DNAH6: variants seen among roughly 807,000 people sequenced by gnomAD.
DNAH6 encodes dynein axonemal heavy chain 6.
In DNAH6, 340 loss-of-function variants were observed where a neutral mutation model predicts 491.4. That is an observed-to-expected ratio of 0.69 (90% CI 0.63 to 0.76). The LOEUF (loss-of-function observed/expected upper bound fraction) is 0.76. Among genes scored for constraint, DNAH6 ranks in the 30% least tolerant of loss-of-function variants. The pLI, the probability that DNAH6 is intolerant of heterozygous loss-of-function variation, is 0.00. For missense variants in DNAH6, 4,443 were observed against 4,972.2 expected (o/e 0.89, Z 3.20); for synonymous variants, 1,603 against 1,686.1 (o/e 0.95, Z 1.21).
At chr2:84,647,009 GGC>G (rs1689965410) in intron 33 of DNAH6, among the ~76,000 whole-genome samples, 1 of 152,024 alleles carries the variant, frequency 6.6e-6, no homozygotes, top group Non-Finnish European at 1.5e-5. Context: ...CACCACCCAT[GGC>G]TAATTTTGTA....
At chr2:84,538,750 T>C (rs1436172621) in intron 4 of DNAH6, among the ~76,000 whole-genome samples, 1 of 152,144 alleles carries the variant, frequency 6.6e-6, no homozygotes, top group Non-Finnish European at 1.5e-5. Flanking sequence ...CAACTTCTAC[T>C]TTAAGCTTAG....
the DNAH6 span, among the ~76,000 whole-genome samples, chr2:84,464,060 G>A: frequency 6.6e-6 from 1 of 152,118 alleles, no homozygotes; most frequent in Admixed American, 6.5e-5. Flanking sequence ...GTGATGCTAG[G>A]GTGAGGTGGA....
intron 11 of DNAH6, among the ~76,000 whole-genome samples, chr2:84,570,086 G>T (rs1681619980): frequency 6.6e-6 from 1 of 151,970 alleles, no homozygotes; most frequent in South Asian, 2.1e-4. Context: ...AACTCTCTTT[G>T]TTCTCTTTGC....
intron 29 of DNAH6, among the ~76,000 whole-genome samples, chr2:84,629,685 T>C (rs1383042189): frequency 6.6e-6 from 1 of 152,196 alleles, no homozygotes. Context: ...AAAAGGGACA[T>C]TGACAGCCTA....
At chr2:84,705,450 T>C in intron 51 of DNAH6, 36 bp from the exon 52 acceptor site, 1 of 1,488,680 alleles carries the variant, frequency 6.7e-7, no homozygotes, top group Non-Finnish European at 9.0e-7. Context: ...TATTACTTCA[T>C]TTCAGTGCCA....
rs1680224007 is a variant in DNAH6, at chr2:84,557,877, G to A, written c.1745G>A (p.Ser582Asn). The change falls in exon 11 of 77, where the codon AGT (serine) becomes AAT (asparagine). Residue 582 changes from serine (S) to asparagine (N), a missense_variant. Ser to Asn is a conservative substitution (Grantham distance 46, BLOSUM62 1). Around this residue, in one of 3 missense-constraint regions of DNAH6, gnomAD observed 2,977 missense variants for 3,296.6 expected, o/e 0.90. Transcript: ENST00000389394. The stretch of plus-strand genomic sequence containing the variant: ...GGAAAAACCTGTGGAACTGGGCCAA[G>A]TTTAGCAGCAGTATTTGAGGATGAT... Reference protein sequence around the residue: ...LEGKTCGTGPSLAAVFEDDKN... With the variant: ...LEGKTCGTGPNLAAVFEDDKN... 1 of 1,612,516 alleles carries A rather than the reference G, an allele frequency of 6.2e-7. No homozygotes were observed. Among genetic ancestry groups the A allele is most frequent in the South Asian group, 1.1e-5 (1 of 91,002 alleles).
chr2:84,625,045 A>G lies in DNAH6; in HGVS notation c.4497A>G (p.Ser1499=), dbSNP rs186168135. ...LAIQCVVFNC[S]DGLDYKMMGR... ...TCCAGTGTGTGGTCTTTAACTGTTC[A>G]GATGGTTTGGACTACAAGGTACAGT... The change falls in exon 29 of 77, where the codon TCA becomes TCG. Residue 1499 remains serine (S), a synonymous_variant. Transcript: ENST00000389394. 1.1e-4 allele frequency: 170 copies of G among 1,547,792 alleles called. No individual in the cohort carries two copies. In the East Asian group the frequency reaches 3.6e-3, roughly 33 times the overall value.
intron 56 of DNAH6, among the ~76,000 whole-genome samples, chr2:84,712,804 C>T (rs1480843347): frequency 6.6e-6 from 1 of 152,172 alleles, no homozygotes; most frequent in Non-Finnish European, 1.5e-5. Context: ...CCCACAATGA[C>T]TTAATCTACC....
chr2:84,745,291 T>G, intron 63 of DNAH6, 42 bp downstream of exon 63: 2 of 1,343,646 alleles, frequency 1.5e-6, no homozygotes, highest in Non-Finnish European at 2.0e-6. Flanking sequence ...TACAATTATT[T>G]CTACTAAAGC....
chr2:84,793,305 C>T (rs1677965721), intron 68 of DNAH6, among the ~76,000 whole-genome samples: 2 of 152,162 alleles, frequency 1.3e-5, no homozygotes, highest in South Asian at 4.1e-4. Flanking sequence ...AGCTGTGAGT[C>T]ATCTACCCTG....
intron 33 of DNAH6, among the ~76,000 whole-genome samples, chr2:84,644,375 C>T (rs1689703116): frequency 6.6e-6 from 1 of 152,176 alleles, no homozygotes; most frequent in Admixed American, 6.5e-5. Context: ...TTTCCCCTCC[C>T]CTGACAGAAG....
At chr2:84,474,421 AGGCTCAACAAT>A in the DNAH6 span, among the ~76,000 whole-genome samples, 1,029 of 152,290 alleles carry the variant, frequency 6.8e-3, 11 homozygotes, top group African/African-American at 0.023. Flanking sequence ...TGGGAGCCAG[AGGCTCAACAAT>A]GGCTGCTTCT....
the DNAH6 span, among the ~76,000 whole-genome samples, chr2:84,505,005 C>T: frequency 1.3e-5 from 2 of 152,116 alleles, no homozygotes; most frequent in Non-Finnish European, 2.9e-5. Context: ...TGATGCCTTG[C>T]CATTTACATA....
intron 37 of DNAH6, among the ~76,000 whole-genome samples, chr2:84,664,966 A>T (rs1691929573): frequency 6.6e-6 from 1 of 151,642 alleles, no homozygotes; most frequent in Admixed American, 6.6e-5. Flanking sequence ...GCTCAACTAC[A>T]TGGAAACTGA....
At chr2:84,653,296 T>C (rs913333971) in intron 33 of DNAH6, 23 bp from the exon 34 acceptor site, 4 of 1,471,568 alleles carry the variant, frequency 2.7e-6, no homozygotes, top group Admixed American at 5.1e-5. Context: ...TGTTCCTAAT[T>C]GATTTTATTT....
chr2:84,619,749 G>T lies in DNAH6; in HGVS notation c.3637G>T (p.Val1213Leu), dbSNP rs983919397. 3.2e-6 allele frequency: 5 copies of T among 1,551,662 alleles called. No homozygotes were observed. Among genetic ancestry groups the T allele is most frequent in the Non-Finnish European group, 4.4e-6 (5 of 1,146,854 alleles). ...ILAQTRNPQA[V>L]QPHLRKCFDS... ...GGCCCAGACACGAAATCCACAGGCCGTGCAGCCACACTTAAGGAAATGCTT... is the reference window on the plus strand; with the variant it reads ...GGCCCAGACACGAAATCCACAGGCCTTGCAGCCACACTTAAGGAAATGCTT... Residue 1213 changes from valine to leucine, a missense_variant, in exon 24 of 77, where the codon GTG becomes TTG. Transcript: ENST00000389394.
At chr2:84,617,551 C>T (rs1320214945) in intron 23 of DNAH6, among the ~76,000 whole-genome samples, 2 of 151,816 alleles carry the variant, frequency 1.3e-5, no homozygotes, top group Non-Finnish European at 2.9e-5. Context: ...AACCCTTCCA[C>T]TACCCTTCCC....
chr2:84,726,089 G>A (rs776500088), intron 60 of DNAH6, among the ~76,000 whole-genome samples: 9 of 152,110 alleles, frequency 5.9e-5, no homozygotes, highest in Non-Finnish European at 1.2e-4. Flanking sequence ...TTACCTTTGC[G>A]CTCCATCCTA....
Position 84,709,446 on chromosome 2 carries a change from G to A in DNAH6, c.9152G>A (p.Trp3051Ter). 1 of 1,551,686 alleles carries A rather than the reference G, an allele frequency of 6.4e-7. No homozygotes were observed. The highest frequency in any genetic ancestry group is 8.7e-7 in the Non-Finnish European group (1 of 1,147,018). The stretch of plus-strand genomic sequence containing the variant: ...GGAGATCCCTACGAGATACGGCAGT[G>A]GAACACTGATGGGCTGCCCCGTGAC... ...ILGDPYEIRQ[W>*]NTDGLPRDLI... Residue 3051 changes from tryptophan (W) to a stop codon, truncating the protein, a stop_gained, in exon 55 of 77, where the codon TGG (tryptophan) becomes TAG (stop). Coordinates refer to ENST00000389394, the MANE Select transcript of DNAH6 (RefSeq NM_001370.2). LOFTEE classifies it high-confidence loss of function.
Sources: gnomAD v4.1 joint callset for allele counts (sites outside exome capture counted in the v4.1 genomes callset) on GRCh38, gnomAD v4.1.1 for gene constraint, gnomAD v4.1.1 regional missense constraint, MANE v1.5 for transcripts, NCBI Gene and HGNC (gene_info 2026-07-23, HGNC 2026-07-21) for gene names.